The following COL25A1 variants were observed in gnomAD, a reference collection of about 807,000 sequenced individuals.
The protein encoded by COL25A1 is collagen type XXV alpha 1 chain, also known as collagen alpha-1(XXV) chain.
Under a neutral mutation model 128.4 loss-of-function variants are expected in COL25A1, and 103 were observed. The ratio of observed to expected loss-of-function variants is 0.80; its 90% CI spans 0.68 to 0.94. The LOEUF is 0.94. COL25A1 is among the 40% of genes least tolerant of loss of function. The pLI is 0.00. For missense variants in COL25A1, 745 were observed against 840.0 expected (o/e 0.89, Z 1.40); for synonymous variants, 279 against 277.2 (o/e 1.01, Z -0.06).
intron 10 of COL25A1, among the ~76,000 whole-genome samples, chr4:108,938,917 T>C (rs897597104): frequency 3.9e-5 from 6 of 152,218 alleles, no homozygotes; most frequent in African/African-American, 1.2e-4. Flanking sequence ...TCTGAGACCA[T>C]ATACAGTTCA....
intron 3 of COL25A1, among the ~76,000 whole-genome samples, chr4:109,089,607 A>T (rs972451291): frequency 6.6e-5 from 10 of 152,030 alleles, no homozygotes; most frequent in Non-Finnish European, 1.5e-4. Flanking sequence ...TATATTTTTT[A>T]AAAATATTTT....
intron 6 of COL25A1, among the ~76,000 whole-genome samples, chr4:109,009,617 G>A (rs190329590): frequency 6.6e-5 from 10 of 152,252 alleles, no homozygotes; most frequent in Admixed American, 5.2e-4. Flanking sequence ...GATGAGTTCA[G>A]TAAATAATTA....
intron 3 of COL25A1, among the ~76,000 whole-genome samples, chr4:109,119,144 TAAA>T (rs1323055358): frequency 1.3e-5 from 2 of 152,038 alleles, no homozygotes; most frequent in African/African-American, 4.8e-5. Flanking sequence ...GAGAACTGTT[TAAA>T]TATTTTGAAC....
At chr4:108,924,120 T>C (rs966852198) in intron 11 of COL25A1, among the ~76,000 whole-genome samples, 1 of 152,180 alleles carries the variant, frequency 6.6e-6, no homozygotes, top group Admixed American at 6.5e-5. Context: ...TTCTGGGTGA[T>C]ATAAATTGTA....
intron 3 of COL25A1, among the ~76,000 whole-genome samples, chr4:109,247,808 T>C (rs7675039): frequency 0.058 from 8,888 of 152,034 alleles, 439 homozygotes; most frequent in East Asian, 0.23. Flanking sequence ...CCAGAACAGA[T>C]GACACCAAGA....
At position 108,824,166 on chromosome 4, in the gene COL25A1, G is replaced by A. The variant is rs769855303; in HGVS notation, c.1845+8C>T. The stretch of plus-strand genomic sequence containing the variant: ...CAAACAAGGTACATGCTGGGATGGA[G>A]AGGTCACCTTTTCTCCCTTTTCTCC... On this transcript the variant is annotated splice_region_variant and intron_variant, in intron 35 of 37. Transcript: ENST00000399132. 1 of 1,613,934 alleles carries A rather than the reference G, an allele frequency of 6.2e-7. No homozygotes were observed. The highest frequency in any genetic ancestry group is 8.5e-7 in the Non-Finnish European group (1 of 1,179,972).
At chr4:108,947,497 T>C (rs1055443326) in intron 8 of COL25A1, among the ~76,000 whole-genome samples, 1 of 151,760 alleles carries the variant, frequency 6.6e-6, no homozygotes, top group Non-Finnish European at 1.5e-5. Context: ...GTGAGAATTA[T>C]GAGCCATAGA....
intron 3 of COL25A1, among the ~76,000 whole-genome samples, chr4:109,265,666 T>C (rs1158193560): frequency 6.6e-6 from 1 of 152,000 alleles, no homozygotes; most frequent in Non-Finnish European, 1.5e-5. Flanking sequence ...GTCAGGACTC[T>C]CCTGAACAGC....
At chr4:109,290,573 T>C (rs571715146) in intron 3 of COL25A1, among the ~76,000 whole-genome samples, 234 of 152,200 alleles carry the variant, frequency 1.5e-3, no homozygotes, top group African/African-American at 5.1e-3. Context: ...CCTGGGAAAT[T>C]GTCAGTATGT....
In COL25A1 at chr4:109,095,951, C is replaced by T. The variant is rs1033046361; in HGVS notation, c.368-45772G>A. Among the ~76,000 whole-genome samples, 8 of 152,012 alleles carry T rather than the reference C, an allele frequency of 5.3e-5. No homozygotes were observed. In the East Asian group the frequency reaches 9.7e-4, roughly 18 times the overall value. ...AGAAATTTGGTCTTTGCACACTCAA[C>T]GACTGGAATTTGTGCACAAGTTGAA... is the stretch of plus-strand genomic sequence containing the variant. On this transcript the variant is annotated intron_variant, in intron 3 of 37. Transcript: ENST00000399132.
At chr4:108,985,918 T>G (rs1362710109) in intron 6 of COL25A1, among the ~76,000 whole-genome samples, 1 of 152,222 alleles carries the variant, frequency 6.6e-6, no homozygotes, top group African/African-American at 2.4e-5. Context: ...TTCAACATTC[T>G]CAAACCAAAT....
intron 3 of COL25A1, among the ~76,000 whole-genome samples, chr4:109,061,858 T>C (rs1378136245): frequency 6.6e-6 from 1 of 152,216 alleles, no homozygotes; most frequent in Non-Finnish European, 1.5e-5. Flanking sequence ...TATGATTTCA[T>C]AATAATTCTA....
intron 3 of COL25A1, among the ~76,000 whole-genome samples, chr4:109,087,731 C>T (rs1251781523): frequency 1.3e-5 from 2 of 152,134 alleles, no homozygotes; most frequent in African/African-American, 2.4e-5. Context: ...CAAATACTTA[C>T]ATTAGGAAAT....
chr4:108,929,299 T>C (rs527634261), intron 11 of COL25A1, among the ~76,000 whole-genome samples: 155 of 152,024 alleles, frequency 1.0e-3, no homozygotes, highest in Non-Finnish European at 1.8e-3. Context: ...ATTTTTTCTA[T>C]TTTTAGTAGA....
At chr4:109,288,288 T>C (rs199933436) in intron 3 of COL25A1, among the ~76,000 whole-genome samples, 45 of 152,284 alleles carry the variant, frequency 3.0e-4, no homozygotes, top group South Asian at 8.3e-4. Flanking sequence ...ATATCATTTA[T>C]GAGCTCAAAA....
intron 12 of COL25A1, 77 bp downstream of exon 12, chr4:108,920,501 A>G: frequency 8.7e-7 from 1 of 1,148,598 alleles, no homozygotes; most frequent in African/African-American, 1.6e-5. Flanking sequence ...ACAGTAGCTA[A>G]TTTCATTCAC....
At chr4:108,938,888 A>G (rs1188151014) in intron 10 of COL25A1, among the ~76,000 whole-genome samples, 1 of 152,178 alleles carries the variant, frequency 6.6e-6, no homozygotes, top group Non-Finnish European at 1.5e-5. Context: ...AGCAGTCATC[A>G]TAGTATATAT....
chr4:109,007,494 T>C (rs184442798), intron 6 of COL25A1, among the ~76,000 whole-genome samples: 1 of 152,190 alleles, frequency 6.6e-6, no homozygotes. Context: ...TTTTTTGTGC[T>C]GTAGAAAGAT....
rs975375640 is a variant in COL25A1 at position 108,844,561 on chromosome 4, G to A, written c.1587C>T (p.Gly529=). ...MPGPQGPSII[G]PPGPPGPHGP... is the part of the protein sequence containing the mutation. Reference sequence around the variant, plus strand: ...CATGGGGACCTGGTGGGCCTGGTGGGCCTATGATCTGTATGTCCAAAAAAT... The same window carrying A: ...CATGGGGACCTGGTGGGCCTGGTGGACCTATGATCTGTATGTCCAAAAAAT... Residue 529 remains glycine (G), a synonymous_variant, in exon 30 of 38, where the codon GGC becomes GGT. Transcript: ENST00000399132. 1.2e-6 allele frequency: 2 copies of A among 1,612,168 alleles called. No individual in the cohort carries two copies. Among genetic ancestry groups the A allele is most frequent in the Non-Finnish European group, 1.7e-6 (2 of 1,179,446 alleles).
Sources: allele counts gnomAD v4.1 joint callset (sites outside exome capture counted in the v4.1 genomes callset), GRCh38; gene constraint gnomAD v4.1.1; transcripts MANE v1.5; gene names NCBI Gene and HGNC (gene_info 2026-07-23, HGNC 2026-07-21).